HSD17B12: variants seen among roughly 807,000 people sequenced by gnomAD.
The protein encoded by HSD17B12 is hydroxysteroid 17-beta dehydrogenase 12.
Under a neutral mutation model 39.3 loss-of-function variants are expected in HSD17B12, and 32 were observed. That is an observed-to-expected ratio of 0.81 (90% CI 0.61 to 1.09). The LOEUF (loss-of-function observed/expected upper bound fraction) is 1.09. Ranked by LOEUF, HSD17B12 falls within the 50% of genes least tolerant of loss-of-function variation. HSD17B12 has a pLI of 0.00. For synonymous variants in HSD17B12, 150 were observed against 146.7 expected (o/e 1.02, Z -0.16); for missense variants, 342 against 382.9 (o/e 0.89, Z 0.89).
chr11:43,668,737 C>G, the HSD17B12 span, among the ~76,000 whole-genome samples: 3 of 152,150 alleles, frequency 2.0e-5, no homozygotes, highest in Non-Finnish European at 2.9e-5. Context: ...GGGTCTTGCT[C>G]TGTCACTCTG....
chr11:43,782,315 A>G (rs919900070), intron 3 of HSD17B12, among the ~76,000 whole-genome samples: 5 of 152,226 alleles, frequency 3.3e-5, no homozygotes, highest in Admixed American at 2.0e-4. Flanking sequence ...AAGGGATGCT[A>G]TCTAACCAAA....
chr11:43,828,972 T>C (rs992368484), intron 6 of HSD17B12, among the ~76,000 whole-genome samples: 2 of 152,210 alleles, frequency 1.3e-5, no homozygotes, highest in Non-Finnish European at 2.9e-5. Context: ...ATAATCTGAT[T>C]AGAAGGAAAG....
chr11:43,778,321 T>G (rs933472049), intron 3 of HSD17B12, among the ~76,000 whole-genome samples: 30 of 151,144 alleles, frequency 2.0e-4, no homozygotes, highest in African/African-American at 6.6e-4. Flanking sequence ...AATAACAGGA[T>G]CTGAAATTGT....
At chr11:43,665,632 CATT>C in the HSD17B12 span, among the ~76,000 whole-genome samples, 1 of 152,154 alleles carries the variant, frequency 6.6e-6, no homozygotes, top group Non-Finnish European at 1.5e-5. Context: ...GAAAGGTAGA[CATT>C]ATTTGCATCC....
At chr11:43,843,270 A>G (rs1951443820) in intron 9 of HSD17B12, among the ~76,000 whole-genome samples, 1 of 152,204 alleles carries the variant, frequency 6.6e-6, no homozygotes, top group Admixed American at 6.5e-5. Flanking sequence ...AAGGGGCAAA[A>G]AAAATGTAGT....
the HSD17B12 span, among the ~76,000 whole-genome samples, chr11:43,659,685 G>A: frequency 1.3e-5 from 2 of 152,186 alleles, no homozygotes; most frequent in African/African-American, 4.8e-5. Flanking sequence ...TACACAAAAG[G>A]AAGAAAATAT....
chr11:43,819,492 G>A (rs932027502), intron 6 of HSD17B12, among the ~76,000 whole-genome samples: 1 of 152,162 alleles, frequency 6.6e-6, no homozygotes, highest in Non-Finnish European at 1.5e-5. Flanking sequence ...ATAGGGGAAA[G>A]TATGGATAAA....
chr11:43,779,828 A>G (rs1950747206), intron 3 of HSD17B12, among the ~76,000 whole-genome samples: 1 of 152,194 alleles, frequency 6.6e-6, no homozygotes, highest in Non-Finnish European at 1.5e-5. Context: ...CCGCTTTCAC[A>G]TTGGGTAGGA....
chr11:43,576,579 T>A, the HSD17B12 span: 1 of 152,214 alleles, frequency 6.6e-6, no homozygotes, highest in Non-Finnish European at 1.5e-5. Context: ...CCCCTATGTT[T>A]CTCTTTCTCT....
the HSD17B12 span, chr11:43,578,909 T>A: frequency 1.3e-5 from 2 of 152,064 alleles, no homozygotes; most frequent in Non-Finnish European, 2.9e-5. Flanking sequence ...ATTAAATAAT[T>A]CAATGGTAGC....
the HSD17B12 span, among the ~76,000 whole-genome samples, chr11:43,586,770 C>A: frequency 3.3e-5 from 5 of 152,154 alleles, no homozygotes; most frequent in African/African-American, 1.2e-4. Context: ...TCAGCCACTT[C>A]GAGGCCATAT....
intron 9 of HSD17B12, among the ~76,000 whole-genome samples, chr11:43,843,863 T>G (rs867458983): frequency 2.0e-5 from 3 of 152,196 alleles, no homozygotes; most frequent in Non-Finnish European, 2.9e-5. Flanking sequence ...CTTCCATGTA[T>G]TCTCGAGAAC....
intron 3 of HSD17B12, among the ~76,000 whole-genome samples, chr11:43,771,240 A>G (rs1464333979): frequency 6.6e-6 from 1 of 152,112 alleles, no homozygotes; most frequent in Non-Finnish European, 1.5e-5. Flanking sequence ...ACATTCATCC[A>G]TATTTTTACA....
chr11:43,734,839 C>G (rs7105635), intron 1 of HSD17B12, among the ~76,000 whole-genome samples: 155 of 152,296 alleles, frequency 1.0e-3, no homozygotes, highest in African/African-American at 3.6e-3. Flanking sequence ...TTAGTACATT[C>G]ACACTGCTGT....
the HSD17B12 span, among the ~76,000 whole-genome samples, chr11:43,653,645 GTGGTGTT>G: frequency 6.6e-6 from 1 of 152,102 alleles, no homozygotes; most frequent in Non-Finnish European, 1.5e-5. Flanking sequence ...GTGAGAACAT[GTGGTGTT>G]TGGTTTTTTG....
chr11:43,646,227 C>T, the HSD17B12 span: 3 of 152,194 alleles, frequency 2.0e-5, no homozygotes, highest in Non-Finnish European at 2.9e-5. Context: ...TCTGTTGAAA[C>T]TGATTTCAGG....
intron 1 of HSD17B12, among the ~76,000 whole-genome samples, chr11:43,704,881 T>C (rs940590913): frequency 2.0e-5 from 3 of 152,180 alleles, no homozygotes; most frequent in African/African-American, 7.2e-5. Context: ...GGAAAGCTTC[T>C]GGGATCTTGA....
At chr11:43,563,655 A>T in the HSD17B12 span, among the ~76,000 whole-genome samples, 15 of 151,748 alleles carry the variant, frequency 9.9e-5, no homozygotes, top group African/African-American at 3.6e-4. Flanking sequence ...TCTCTACTAA[A>T]TTTTTTTTTC....
chr11:43,562,353 G>A, the HSD17B12 span, among the ~76,000 whole-genome samples: 5 of 152,346 alleles, frequency 3.3e-5, no homozygotes, highest in East Asian at 1.9e-4. Context: ...CCAAGAAGGC[G>A]TGCATTCAAA....
Sources: allele counts gnomAD v4.1 joint callset (sites outside exome capture counted in the v4.1 genomes callset), GRCh38; gene constraint gnomAD v4.1.1; transcripts MANE v1.5; gene names NCBI Gene and HGNC (gene_info 2026-07-23, HGNC 2026-07-21).